Variants in GRID1 observed in about 807,000 individuals in gnomAD.
GRID1 encodes the protein glutamate ionotropic receptor delta type subunit 1.
A neutral mutation model predicts 98.0 loss-of-function variants in GRID1; 28 were observed. The observed-to-expected ratio is 0.29, with a 90% CI of 0.21 to 0.39. The LOEUF is 0.39. Among genes scored for constraint, GRID1 ranks in the 10% least tolerant of loss-of-function variants. GRID1 has a pLI of 1.00. For missense variants in GRID1, 1,111 were observed against 1,340.5 expected (o/e 0.83, Z 2.67); for synonymous variants, 553 against 538.5 (o/e 1.03, Z -0.37).
At chr10:86,153,812 G>T (rs1845204250) in intron 3 of GRID1, among the ~76,000 whole-genome samples, 1 of 151,926 alleles carries the variant, frequency 6.6e-6, no homozygotes, top group African/African-American at 2.4e-5. Context: ...TAATGGGGCT[G>T]CCTACCCATC....
chr10:85,913,123 T>C (rs569685582), intron 5 of GRID1, among the ~76,000 whole-genome samples: 3 of 152,170 alleles, frequency 2.0e-5, no homozygotes, highest in Non-Finnish European at 4.4e-5. Flanking sequence ...TACCTTCTGA[T>C]AGAAGACTTC....
intron 3 of GRID1, among the ~76,000 whole-genome samples, chr10:86,175,965 T>C (rs1398537734): frequency 6.6e-6 from 1 of 152,172 alleles, no homozygotes; most frequent in Non-Finnish European, 1.5e-5. Context: ...TGCCTCGGCC[T>C]CCCAAAGTGC....
chr10:85,729,783 G>A (rs1841803194), intron 8 of GRID1, among the ~76,000 whole-genome samples, 169 bp from the exon 9 acceptor site: 1 of 152,172 alleles, frequency 6.6e-6, no homozygotes, highest in Non-Finnish European at 1.5e-5. Context: ...ATAGATATAT[G>A]GTAGACAGAG....
At chr10:85,932,979 A>G (rs1841877236) in intron 4 of GRID1, among the ~76,000 whole-genome samples, 1 of 152,342 alleles carries the variant, frequency 6.6e-6, no homozygotes, top group South Asian at 2.1e-4. Flanking sequence ...TGTATCCCCA[A>G]AAAAACATGT....
intron 4 of GRID1, among the ~76,000 whole-genome samples, chr10:85,937,004 G>A (rs142622741): frequency 1.1e-3 from 164 of 152,288 alleles, no homozygotes; most frequent in African/African-American, 3.7e-3. Flanking sequence ...GACCGACCTG[G>A]AGAGCAGCTT....
intron 2 of GRID1, among the ~76,000 whole-genome samples, chr10:86,241,197 T>G (rs1846622488): frequency 6.6e-6 from 1 of 152,218 alleles, no homozygotes; most frequent in Admixed American, 6.5e-5. Context: ...AACTCTCACC[T>G]TATCTCTGAC....
chr10:85,671,706 G>A (rs1463705982), intron 12 of GRID1, among the ~76,000 whole-genome samples: 1 of 152,196 alleles, frequency 6.6e-6, no homozygotes, highest in African/African-American at 2.4e-5. Flanking sequence ...AGTGAGGAAG[G>A]GATGTTGAAA....
intron 4 of GRID1, among the ~76,000 whole-genome samples, chr10:86,061,297 G>T (rs1843645271): frequency 6.6e-6 from 1 of 152,172 alleles, no homozygotes; most frequent in Non-Finnish European, 1.5e-5. Context: ...CACGTCTGCA[G>T]GGCACTGCAA....
At position 85,884,373 on chromosome 10, in the gene GRID1, T is replaced by A. The variant is rs538257800; in HGVS notation, c.781-15193A>T. The stretch of plus-strand genomic sequence containing the variant: ...TATATGTTTTGACTTTGTGACTGAC[T>A]AAACCTCAGTTATTATGCTATAATT... On this transcript the variant is annotated intron_variant, in intron 5 of 15. Coordinates refer to ENST00000327946, the MANE Select transcript of GRID1 (RefSeq NM_017551.3). Among the ~76,000 whole-genome samples the A allele has an allele frequency of 9.8e-5, 15 of 152,292 alleles. No homozygotes were observed. In the East Asian group the frequency reaches 2.9e-3, roughly 29 times the overall value.
chr10:86,015,753 C>T (rs1056675907), intron 4 of GRID1, among the ~76,000 whole-genome samples: 6 of 152,306 alleles, frequency 3.9e-5, no homozygotes, highest in African/African-American at 9.6e-5. Context: ...CTTAACAATC[C>T]GTCATTTTAG....
chr10:85,766,257 G>T (rs936497393), intron 8 of GRID1, among the ~76,000 whole-genome samples: 1 of 152,236 alleles, frequency 6.6e-6, no homozygotes, highest in Non-Finnish European at 1.5e-5. Context: ...AGACTGAGGC[G>T]TGAGGACTGC....
intron 3 of GRID1, among the ~76,000 whole-genome samples, chr10:86,198,176 A>G (rs1177506046): frequency 6.6e-6 from 1 of 152,110 alleles, no homozygotes; most frequent in Non-Finnish European, 1.5e-5. Context: ...ATCCCGACAG[A>G]TATTTTCTAT....
intron 8 of GRID1, among the ~76,000 whole-genome samples, chr10:85,756,001 C>G (rs1842094396): frequency 6.6e-6 from 1 of 152,100 alleles, no homozygotes; most frequent in Non-Finnish European, 1.5e-5. Flanking sequence ...CCCTCAGCAC[C>G]CATTCTCCTT....
chr10:86,216,835 G>A (rs1027959068), intron 2 of GRID1, among the ~76,000 whole-genome samples: 2 of 152,172 alleles, frequency 1.3e-5, no homozygotes, highest in African/African-American at 4.8e-5. Flanking sequence ...GCTCGGCTAT[G>A]CCCAGGACAT....
chr10:86,254,179 T>G (rs552998143), intron 2 of GRID1, among the ~76,000 whole-genome samples: 1 of 152,192 alleles, frequency 6.6e-6, no homozygotes, highest in Admixed American at 6.5e-5. Context: ...CCTCAGCACC[T>G]GTGACAGTCA....
At position 85,639,673 on chromosome 10, in the gene GRID1, A is replaced by T. The variant is rs548753104; in HGVS notation, c.2193+7529T>A. Among the ~76,000 whole-genome samples, 3 of 152,334 alleles carry T rather than the reference A, an allele frequency of 2.0e-5. No individual in the cohort carries two copies. In the South Asian group the frequency reaches 6.2e-4, roughly 32 times the overall value. On this transcript the variant is annotated intron_variant, in intron 13 of 15. Coordinates refer to ENST00000327946, the MANE Select transcript of GRID1 (RefSeq NM_017551.3). ...CAGATCACCTGAGGTCGGGAGTTTG[A>T]GACCAGCCTGGCCAACATGGAGAAA...
intron 2 of GRID1, among the ~76,000 whole-genome samples, chr10:86,212,619 C>T (rs1486790242): frequency 2.0e-5 from 3 of 152,224 alleles, no homozygotes; most frequent in African/African-American, 4.8e-5. Flanking sequence ...CGAGCCACCT[C>T]GTTCCTCCAA....
At chr10:85,899,037 T>C (rs941380261) in intron 5 of GRID1, among the ~76,000 whole-genome samples, 6 of 152,208 alleles carry the variant, frequency 3.9e-5, no homozygotes, top group Admixed American at 3.3e-4. Flanking sequence ...TTAGGATGGC[T>C]ACAAAGCCAT....
intron 2 of GRID1, among the ~76,000 whole-genome samples, chr10:86,308,168 T>C (rs11201974): frequency 0.16 from 24,034 of 152,192 alleles, 2,422 homozygotes; most frequent in South Asian, 0.29. Flanking sequence ...CCATCTTGAC[T>C]GTGCCACCCT....
Sources: allele counts gnomAD v4.1 joint callset (sites outside exome capture counted in the v4.1 genomes callset), GRCh38; gene constraint gnomAD v4.1.1; transcripts MANE v1.5; gene names NCBI Gene and HGNC (gene_info 2026-07-23, HGNC 2026-07-21).